Variants in SLTM observed in about 807,000 individuals in gnomAD.
SLTM encodes SAFB-like transcription modulator.
A neutral mutation model predicts 134.6 loss-of-function variants in SLTM; 43 were observed. The observed-to-expected ratio is 0.32, with a 90% CI of 0.25 to 0.41. The LOEUF (loss-of-function observed/expected upper bound fraction) is 0.41. Among genes scored for constraint, SLTM ranks in the 10% least tolerant of loss-of-function variants. The pLI, the probability that SLTM is intolerant of heterozygous loss-of-function variation, is 1.00. For missense variants in SLTM, 1,055 were observed against 1,288.8 expected (o/e 0.82, Z 2.78); for synonymous variants, 424 against 432.3 (o/e 0.98, Z 0.24).
intron 4 of SLTM, among the ~76,000 whole-genome samples, chr15:58,913,029 G>T (rs1450258977): frequency 2.6e-5 from 4 of 152,110 alleles, no homozygotes; most frequent in Admixed American, 1.3e-4. Flanking sequence ...TATAACCAAA[G>T]AAATGTAAAT....
At chr15:58,929,462 G>A (rs183643752) in intron 2 of SLTM, among the ~76,000 whole-genome samples, 1 of 151,986 alleles carries the variant, frequency 6.6e-6, no homozygotes, top group Admixed American at 6.6e-5. Flanking sequence ...AAAAAGAAAA[G>A]AAAAGAAAAA....
At chr15:58,905,064 G>C (rs536255488) in intron 5 of SLTM, among the ~76,000 whole-genome samples, 1 of 152,108 alleles carries the variant, frequency 6.6e-6, no homozygotes, top group African/African-American at 2.4e-5. Context: ...GGCTGGTCTT[G>C]AACTCCTGGC....
intron 5 of SLTM, among the ~76,000 whole-genome samples, chr15:58,904,499 T>C (rs1180617337): frequency 6.6e-6 from 1 of 151,670 alleles, no homozygotes; most frequent in African/African-American, 2.4e-5. Context: ...TTGATAACAG[T>C]GTAAATTCGA....
At chr15:58,891,776 AT>A (rs1595849127) in intron 14 of SLTM, among the ~76,000 whole-genome samples, 1 of 152,004 alleles carries the variant, frequency 6.6e-6, no homozygotes, top group Non-Finnish European at 1.5e-5. Flanking sequence ...AAGCCATTAC[AT>A]TTTTTTCTTT....
chr15:58,920,545 C>T (rs1351466939), intron 2 of SLTM, among the ~76,000 whole-genome samples: 1 of 151,664 alleles, frequency 6.6e-6, no homozygotes, highest in African/African-American at 2.4e-5. Context: ...ATCACCTGAA[C>T]CCGGGAGGTG....
chr15:58,906,345 G>A (rs1255497966), intron 5 of SLTM, among the ~76,000 whole-genome samples: 1 of 152,034 alleles, frequency 6.6e-6, no homozygotes, highest in Non-Finnish European at 1.5e-5. Context: ...CACATATGAA[G>A]ATGAAGCAAA....
chr15:58,896,183 A>G (rs1442685591), intron 9 of SLTM, among the ~76,000 whole-genome samples: 2 of 152,106 alleles, frequency 1.3e-5, no homozygotes, highest in African/African-American at 2.4e-5. Context: ...ACTTTTCCTG[A>G]TGAACTAACC....
chr15:58,933,676 C>T lies in SLTM; in HGVS notation c.-111G>A. 1 of 1,315,374 alleles carries T rather than the reference C, an allele frequency of 7.6e-7. No individual in the cohort carries two copies. Among genetic ancestry groups the T allele is most frequent in the Non-Finnish European group, 9.7e-7 (1 of 1,034,260 alleles). The allele number at this position is 1,315,374 out of a possible 1,614,324, so 81.5% of individuals were successfully genotyped here. A position where few individuals can be genotyped will look rare whatever the true frequency, so the allele number is the denominator to read the frequency against. ...CGCCGGCGCCGCGCAGCGCTGCGCA[C>T]AATGAGCCGCTGGCCCCTCCCCCGG... On this transcript the variant is annotated 5_prime_UTR_variant, in exon 1 of 21. The change creates a new upstream start codon in the 5' untranslated region. Coordinates refer to ENST00000380516, the MANE Select transcript of SLTM (RefSeq NM_024755.4).
chr15:58,905,351 GAATA>G (rs2035800907), intron 5 of SLTM, among the ~76,000 whole-genome samples: 1 of 152,038 alleles, frequency 6.6e-6, no homozygotes, highest in African/African-American at 2.4e-5. Flanking sequence ...TTTGTTGAAG[GAATA>G]AATAAACTGA....
At chr15:58,917,314 C>A (rs1567149965) in intron 2 of SLTM, among the ~76,000 whole-genome samples, 1 of 152,200 alleles carries the variant, frequency 6.6e-6, no homozygotes, top group African/African-American at 2.4e-5. Flanking sequence ...AGCTGTGATA[C>A]CTTTCAATGG....
chr15:58,912,681 A>C, intron 4 of SLTM, 71 bp from the exon 5 acceptor site: 2 of 1,205,748 alleles, frequency 1.7e-6, no homozygotes, highest in Non-Finnish European at 2.4e-6. Flanking sequence ...TTTTATGCTT[A>C]CACCTGATTA....
At chr15:58,911,450 G>C (rs1340401423) in intron 5 of SLTM, among the ~76,000 whole-genome samples, 1 of 152,174 alleles carries the variant, frequency 6.6e-6, no homozygotes, top group Non-Finnish European at 1.5e-5. Context: ...ACATAATCCT[G>C]TCCTACTTGG....
rs1307440227 is a variant in SLTM, at chr15:58,916,947, A to G, written c.303T>C (p.Asp101=). 10 of 1,613,666 alleles carry G rather than the reference A, an allele frequency of 6.2e-6. No homozygotes were observed. The highest frequency in any genetic ancestry group is 1.3e-5 in the African/African-American group (1 of 74,930). The change falls in exon 3 of 21, where the codon GAT becomes GAC. Residue 101 remains aspartate, a synonymous_variant. Coordinates refer to ENST00000380516, the MANE Select transcript of SLTM (RefSeq NM_024755.4). ...ELSGDASVED[D]AFIKDCELEN... ...ATTAACACTTTACCTTGATAAAAGC[A>G]TCATCTTCCACAGAAGCATCTCCAC...
At chr15:58,917,397 A>G (rs1209377001) in intron 2 of SLTM, among the ~76,000 whole-genome samples, 1 of 152,160 alleles carries the variant, frequency 6.6e-6, no homozygotes, top group Non-Finnish European at 1.5e-5. Flanking sequence ...AGCCTTTCCT[A>G]TGTTCTTCTC....
chr15:58,927,650 T>C (rs1418674470), intron 2 of SLTM, among the ~76,000 whole-genome samples: 1 of 151,718 alleles, frequency 6.6e-6, no homozygotes, highest in Non-Finnish European at 1.5e-5. Flanking sequence ...TTTTGAGCAC[T>C]TATTACGTGC....
intron 4 of SLTM, 44 bp from the exon 5 acceptor site, chr15:58,912,654 G>A: frequency 6.6e-7 from 1 of 1,510,310 alleles, no homozygotes; most frequent in Non-Finnish European, 9.1e-7. Context: ...TAAAATATCG[G>A]GGTAACGTGA....
chr15:58,921,730 C>T (rs1270908235), intron 2 of SLTM: 6 of 235,410 alleles, frequency 2.5e-5, no homozygotes, highest in African/African-American at 9.2e-5. Context: ...TTTTACACAT[C>T]GTAAATTACA....
In SLTM at chr15:58,893,852, C is replaced by T. The variant is rs1233752950; in HGVS notation, c.1617G>A (p.Ser539=). Residue 539 remains serine, a synonymous_variant, in exon 12 of 21, where the codon TCG becomes TCA. Transcript: ENST00000380516. ...GCTTCTTTTCTTCACTTTTTTTAAT[C>T]GATTCTGATGTTTGGCCACTTGCTC... is the stretch of plus-strand genomic sequence containing the variant. ...DNGASGQTSE[S]IKKSEEKKRI... 5.6e-6 allele frequency: 9 copies of T among 1,610,360 alleles called. No individual in the cohort carries two copies. Among genetic ancestry groups the T allele is most frequent in the East Asian group, 2.2e-5 (1 of 44,792 alleles).
chr15:58,927,081 T>C (rs2037524315), intron 2 of SLTM, among the ~76,000 whole-genome samples: 1 of 152,092 alleles, frequency 6.6e-6, no homozygotes, highest in South Asian at 2.1e-4. Flanking sequence ...GTTCTAAAAG[T>C]AAGTATATTT....
Sources: allele counts gnomAD v4.1 joint callset (sites outside exome capture counted in the v4.1 genomes callset), GRCh38; gene constraint gnomAD v4.1.1; transcripts MANE v1.5; gene names NCBI Gene and HGNC (gene_info 2026-07-23, HGNC 2026-07-21).